The following CLSTN2 variants were observed in gnomAD, a reference collection of about 807,000 sequenced individuals.
CLSTN2 encodes the protein calsyntenin-2.
CLSTN2 carries 48 observed loss-of-function variants against 101.2 expected under a neutral mutation model. That is an observed-to-expected ratio of 0.47 (90% CI 0.38 to 0.60). The LOEUF (loss-of-function observed/expected upper bound fraction) is 0.60, where lower values mean the gene tolerates loss of function less well. Ranked by LOEUF, CLSTN2 falls within the 20% of genes least tolerant of loss-of-function variation. The probability of loss-of-function intolerance (pLI) is 0.00; values close to 1 mark genes in which losing one functional copy is unlikely to be tolerated. For synonymous variants in CLSTN2, 481 were observed against 463.6 expected (o/e 1.04, Z -0.48); for missense variants, 1,160 against 1,238.2 (o/e 0.94, Z 0.95).
intron 3 of CLSTN2, 111 bp from the exon 4 acceptor site, chr3:140,404,447 G>A (rs2088280459): frequency 1.1e-6 from 1 of 903,322 alleles, no homozygotes; most frequent in East Asian, 2.6e-5. Flanking sequence ...TTGGCTGATG[G>A]TTTCTCCTTT....
intron 1 of CLSTN2, among the ~76,000 whole-genome samples, chr3:139,954,100 T>C (rs1414483333): frequency 1.3e-5 from 2 of 152,156 alleles, no homozygotes; most frequent in Non-Finnish European, 1.5e-5. Context: ...ACCTGATAGG[T>C]AGTTTCTTGA....
intron 2 of CLSTN2, among the ~76,000 whole-genome samples, chr3:140,190,654 T>A (rs1419636194): frequency 6.6e-6 from 1 of 152,146 alleles, no homozygotes; most frequent in Non-Finnish European, 1.5e-5. Context: ...TATTTATATC[T>A]AAGTATTTCA....
intron 2 of CLSTN2, among the ~76,000 whole-genome samples, chr3:140,392,955 G>A (rs1434314806): frequency 1.3e-5 from 2 of 152,162 alleles, no homozygotes; most frequent in East Asian, 1.9e-4. Context: ...GACAGCATAA[G>A]CATAAATATG....
intron 5 of CLSTN2, among the ~76,000 whole-genome samples, chr3:140,428,064 G>A (rs1219598117): frequency 6.6e-6 from 1 of 152,200 alleles, no homozygotes; most frequent in African/African-American, 2.4e-5. Flanking sequence ...GCCAGAGATT[G>A]AGCTTAGCCA....
At chr3:140,552,236 C>A (rs948706376) in intron 10 of CLSTN2, among the ~76,000 whole-genome samples, 1 of 152,044 alleles carries the variant, frequency 6.6e-6, no homozygotes, top group Non-Finnish European at 1.5e-5. Context: ...CTTGGCTCAA[C>A]GAAAGGCTAT....
chr3:140,100,601 CT>C (rs1209902687), intron 1 of CLSTN2, among the ~76,000 whole-genome samples: 6 of 152,206 alleles, frequency 3.9e-5, no homozygotes, highest in Admixed American at 3.9e-4. Context: ...GCTTTACTTT[CT>C]TTTGCTTTCC....
intron 1 of CLSTN2, among the ~76,000 whole-genome samples, chr3:140,099,200 A>G (rs905877839): frequency 2.6e-5 from 4 of 152,164 alleles, no homozygotes; most frequent in African/African-American, 9.7e-5. Context: ...GCTTCCTAGG[A>G]CTGCTGTAAC....
intron 1 of CLSTN2, among the ~76,000 whole-genome samples, chr3:140,135,193 G>T (rs2009597513): frequency 7.8e-6 from 1 of 128,742 alleles, no homozygotes; most frequent in African/African-American, 2.8e-5. Context: ...TCATCCTATG[G>T]AATTATACAA....
At chr3:140,558,592 G>A (rs1219064684) in intron 11 of CLSTN2, 48 bp from the exon 12 acceptor site, 1 of 1,509,922 alleles carries the variant, frequency 6.6e-7, no homozygotes, top group African/African-American at 1.4e-5. Context: ...TATGACAGAT[G>A]GTTTAATTGT....
At chr3:140,023,371 T>C (rs2007356748) in intron 1 of CLSTN2, among the ~76,000 whole-genome samples, 1 of 152,154 alleles carries the variant, frequency 6.6e-6, no homozygotes, top group South Asian at 2.1e-4. Context: ...GTGAGGCTTG[T>C]TATGTTTCTG....
At chr3:140,314,351 C>T (rs1331408332) in intron 2 of CLSTN2, among the ~76,000 whole-genome samples, 1 of 152,174 alleles carries the variant, frequency 6.6e-6, no homozygotes, top group East Asian at 1.9e-4. Flanking sequence ...AATGCCAAGA[C>T]CCCTGGGACA....
At chr3:140,429,462 A>C (rs1326911739) in intron 5 of CLSTN2, among the ~76,000 whole-genome samples, 1 of 152,162 alleles carries the variant, frequency 6.6e-6, no homozygotes, top group Non-Finnish European at 1.5e-5. Flanking sequence ...ATTCCAGACT[A>C]GAAAACAGGT....
intron 1 of CLSTN2, among the ~76,000 whole-genome samples, chr3:140,175,355 TAC>T (rs1304753216): frequency 1.3e-5 from 2 of 149,756 alleles, no homozygotes; most frequent in Middle Eastern, 6.9e-3. Context: ...ACCACTGAGA[TAC>T]ACAGTTTTTA....
rs759107918 is a variant in CLSTN2, at chr3:140,448,687, C to T, written c.956C>T (p.Ser319Phe). Residue 319 changes from serine (S) to phenylalanine (F), a missense_variant, in exon 6 of 17, where the codon TCC (serine) becomes TTC (phenylalanine). Transcript: ENST00000458420. ...GCDRETYSEK[S>F]LQKLCGASSG... The stretch of plus-strand genomic sequence containing the variant: ...GACCGGGAGACCTACTCTGAGAAAT[C>T]CCTTCAAAAGTTATGTGGTAGGTTT... 5 of 1,610,572 alleles carry T rather than the reference C, an allele frequency of 3.1e-6. No homozygotes were observed. The East Asian group carries it at 1.1e-4, about 36-fold the overall frequency.
chr3:140,449,748 T>C (rs1196300230), intron 6 of CLSTN2: 2 of 152,206 alleles, frequency 1.3e-5, no homozygotes, highest in African/African-American at 4.8e-5. Context: ...CTGGTCTGGC[T>C]GCAAAGGGAA....
intron 12 of CLSTN2, among the ~76,000 whole-genome samples, chr3:140,559,612 G>A (rs891775989): frequency 6.6e-6 from 1 of 151,786 alleles, no homozygotes; most frequent in East Asian, 1.9e-4. Flanking sequence ...AGGGAGGGAG[G>A]GAAGAAAACC....
At chr3:140,399,257 C>T (rs1004976142) in intron 2 of CLSTN2, among the ~76,000 whole-genome samples, 1 of 152,218 alleles carries the variant, frequency 6.6e-6, no homozygotes, top group Non-Finnish European at 1.5e-5. Context: ...GTATCATCCT[C>T]CCACTGCAGT....
chr3:140,480,387 A>G (rs954058690), intron 8 of CLSTN2, among the ~76,000 whole-genome samples: 45 of 152,168 alleles, frequency 3.0e-4, no homozygotes, highest in Non-Finnish European at 4.1e-4. Context: ...GCTATTGTGA[A>G]TAGTGCCGCA....
chr3:140,292,163 T>C (rs1408192256), intron 2 of CLSTN2, among the ~76,000 whole-genome samples: 1 of 152,166 alleles, frequency 6.6e-6, no homozygotes, highest in Non-Finnish European at 1.5e-5. Flanking sequence ...AGCACTCCTC[T>C]TGCCACCCCT....
Sources: allele counts gnomAD v4.1 joint callset (sites outside exome capture counted in the v4.1 genomes callset), GRCh38; gene constraint gnomAD v4.1.1; transcripts MANE v1.5; gene names NCBI Gene and HGNC (gene_info 2026-07-23, HGNC 2026-07-21).